Variants in RABGAP1 observed in about 807,000 individuals in gnomAD.
RABGAP1 encodes RAB GTPase activating protein 1.
A neutral mutation model predicts 137.6 loss-of-function variants in RABGAP1; 23 were observed. That is an observed-to-expected ratio of 0.17 (90% CI 0.12 to 0.24). RABGAP1 has a LOEUF of 0.24. RABGAP1 is among the 10% of genes least tolerant of loss of function. The pLI is 1.00. For synonymous variants in RABGAP1, 451 were observed against 450.7 expected (o/e 1.00, Z -0.01); for missense variants, 906 against 1,275.8 (o/e 0.71, Z 4.42).
At chr9:123,034,332 C>T (rs1179258374) in intron 13 of RABGAP1, 3 of 546,860 alleles carry the variant, frequency 5.5e-6, no homozygotes, top group Non-Finnish European at 9.6e-6. Flanking sequence ...ACTATGGCCG[C>T]GTCTGGGACT....
rs1196698095 is a variant in RABGAP1 at position 122,995,904 on chromosome 9, A to AT, written c.924-130dup. 3.6e-6 allele frequency: 5 copies of AT among 1,407,358 alleles called. No individual in the cohort carries two copies. The East Asian group carries it at 7.8e-5, about 22-fold the overall frequency. The allele number at this position is 1,407,358 out of a possible 1,614,324, so 87.2% of individuals were successfully genotyped here. Reference sequence around the variant, plus strand: ...TTTTCACATCAAGAGGCATAGAATGATTTTTTTCTTTTTTGTTATTATTTG... The same window carrying AT: ...TTTTCACATCAAGAGGCATAGAATGATTTTTTTTCTTTTTTGTTATTATTTG... On this transcript the variant is annotated intron_variant, in intron 6 of 25. Transcript: ENST00000373647.
chr9:122,960,909 A>G (rs1398779375), intron 2 of RABGAP1, among the ~76,000 whole-genome samples: 3 of 152,230 alleles, frequency 2.0e-5, no homozygotes, highest in Non-Finnish European at 4.4e-5. Context: ...TGAGGGCACA[A>G]CAGTACATTT....
At chr9:122,936,833 G>C (rs1833394661), upstream of RABGAP1, among the ~76,000 whole-genome samples, 1 of 152,150 alleles carries the variant, frequency 6.6e-6, no homozygotes, top group African/African-American at 2.4e-5. Context: ...CTTAGGCAGG[G>C]GAAAGTAGAA....
intron 19 of RABGAP1, among the ~76,000 whole-genome samples, chr9:123,088,065 G>A (rs572387896): frequency 6.6e-6 from 1 of 150,478 alleles, no homozygotes; most frequent in East Asian, 1.9e-4. Flanking sequence ...TAATTATTTA[G>A]ATGGGGTCTC....
In RABGAP1 at chr9:122,970,334, T is replaced by C. The variant is rs182867872; in HGVS notation, c.150+13125T>C. Among the ~76,000 whole-genome samples, 467 of 152,314 alleles carry C rather than the reference T, an allele frequency of 3.1e-3. 1 individual carries two copies. The highest frequency in any genetic ancestry group is 5.6e-3 in the Non-Finnish European group (384 of 68,030). ...CTGTAGTTCCAGCTGCTTAGGAGGC[T>C]GATGCAGGAGGATTGCTCAAAGCCA... On this transcript the variant is annotated intron_variant, in intron 2 of 25. Coordinates refer to ENST00000373647, the MANE Select transcript of RABGAP1 (RefSeq NM_012197.4).
chr9:123,035,108 G>T, intron 13 of RABGAP1: 1 of 1,614,090 alleles, frequency 6.2e-7, no homozygotes. Flanking sequence ...TTTCAGTGGT[G>T]TGCGGAGTCC....
At chr9:123,048,467 G>T (rs898602972) in intron 13 of RABGAP1, among the ~76,000 whole-genome samples, 1 of 152,136 alleles carries the variant, frequency 6.6e-6, no homozygotes, top group African/African-American at 2.4e-5. Flanking sequence ...GTTATTAGTA[G>T]GTGATTTTGA....
At chr9:123,071,235 A>G (rs1320657344) in intron 15 of RABGAP1, among the ~76,000 whole-genome samples, 1 of 152,168 alleles carries the variant, frequency 6.6e-6, no homozygotes, top group African/African-American at 2.4e-5. Context: ...CTTTTTTTCT[A>G]ATCAAGATCT....
intron 2 of RABGAP1, among the ~76,000 whole-genome samples, chr9:122,967,546 T>C (rs1463185397): frequency 6.6e-6 from 1 of 152,176 alleles, no homozygotes; most frequent in African/African-American, 2.4e-5. Flanking sequence ...AAGACAGCAG[T>C]AAATATGCAA....
Position 123,099,516 on chromosome 9 carries a change from G to C in RABGAP1, c.2856G>C (p.Gln952His). 6.2e-7 allele frequency: 1 copy of C among 1,613,098 alleles called. No homozygotes were observed. The highest frequency in any genetic ancestry group is 8.5e-7 in the Non-Finnish European group (1 of 1,179,098). Residue 952 changes from glutamine to histidine, a missense_variant, in exon 24 of 26, where the codon CAG becomes CAC. Physicochemically the swap from Gln to His is conservative, Grantham distance 24. This residue lies in a region of RABGAP1 where 193 missense variants were observed against 248.1 expected (regional missense o/e 0.78). Transcript: ENST00000373647. ...TGAGTGAAAGATTGGAGAAGCAGCA[G>C]ACAGCCAATAAGGTGGAAATTGAGA... ...SQLSERLEKQ[Q>H]TANKVEIEKI...
rs375356109 is a variant in RABGAP1 at position 123,076,639 on chromosome 9, G to A, written c.2301G>A (p.Ser767=). 18 of 1,590,232 alleles carry A rather than the reference G, an allele frequency of 1.1e-5. No homozygotes were observed. Among genetic ancestry groups the A allele is most frequent in the East Asian group, 9.2e-5 (4 of 43,696 alleles). Residue 767 remains serine, a synonymous_variant, in exon 19 of 26, where the codon TCG becomes TCA. Transcript: ENST00000373647. ...FNVALGLLKT[S]KDDLLLTDFE... The stretch of plus-strand genomic sequence containing the variant: ...GTGTTTGTATTTTCTTCAAGACTTC[G>A]AAAGATGACCTGCTGTTGACAGACT...
chr9:122,933,397 C>T, the RABGAP1 span, among the ~76,000 whole-genome samples: 2 of 151,002 alleles, frequency 1.3e-5, no homozygotes, highest in Non-Finnish European at 2.9e-5. Flanking sequence ...ACTACATCAG[C>T]TCTTTTTCAG....
Position 123,101,503 on chromosome 9 carries a change from T to C in RABGAP1, c.2890-63T>C, listed in dbSNP as rs1040322206. 1.8e-5 allele frequency: 27 copies of C among 1,480,962 alleles called. 2 individuals carry two copies. In the South Asian group the frequency reaches 3.5e-4, roughly 19 times the overall value. The allele number at this position is 1,480,962 out of a possible 1,614,324, so 91.7% of individuals were successfully genotyped here. ...TCTTGGTGTCCCCCAAAGGAGATGC[T>C]CACACCATCCTAAAGGGCCAGTTCC... On this transcript the variant is annotated intron_variant, in intron 24 of 25. Transcript: ENST00000373647.
intron 9 of RABGAP1, among the ~76,000 whole-genome samples, chr9:122,997,834 G>T (rs901825668): frequency 6.6e-6 from 1 of 152,218 alleles, no homozygotes; most frequent in African/African-American, 2.4e-5. Context: ...TTTAATAGCT[G>T]CATATTATCC....
At chr9:123,083,777 A>G (rs1054708562) in intron 19 of RABGAP1, among the ~76,000 whole-genome samples, 1 of 152,232 alleles carries the variant, frequency 6.6e-6, no homozygotes, top group Non-Finnish European at 1.5e-5. Context: ...GTAGGTTAAC[A>G]TCGCAGGGTT....
chr9:123,036,988 G>A (rs924157402), intron 13 of RABGAP1, among the ~76,000 whole-genome samples: 12 of 152,046 alleles, frequency 7.9e-5, no homozygotes, highest in Admixed American at 3.9e-4. Context: ...AAGGAATTCC[G>A]GCAGCTCCAG....
At chr9:123,057,551 C>A (rs377038127) in intron 13 of RABGAP1, among the ~76,000 whole-genome samples, 3 of 149,716 alleles carry the variant, frequency 2.0e-5, no homozygotes, top group African/African-American at 7.4e-5. Flanking sequence ...CGGGCAGAGA[C>A]GCTCCTCACT....
chr9:123,021,330 C>CTTT (rs397944903), intron 13 of RABGAP1, among the ~76,000 whole-genome samples: 11 of 111,916 alleles, frequency 9.8e-5, no homozygotes, highest in East Asian at 2.5e-4. Context: ...GAAGAGCAGG[C>CTTT]TTTTTTTTTT....
chr9:123,072,944 A>G (rs1323159845), intron 15 of RABGAP1, among the ~76,000 whole-genome samples: 1 of 152,202 alleles, frequency 6.6e-6, no homozygotes, highest in Non-Finnish European at 1.5e-5. Context: ...TATCCATAAA[A>G]CTATGGAAAA....
Sources: allele counts gnomAD v4.1 joint callset (sites outside exome capture counted in the v4.1 genomes callset), GRCh38; gene constraint gnomAD v4.1.1; regional missense constraint gnomAD v4.1.1; transcripts MANE v1.5; gene names NCBI Gene and HGNC (gene_info 2026-07-23, HGNC 2026-07-21).